Variants in CNTN5 observed in about 807,000 individuals in gnomAD.
CNTN5 encodes contactin 5.
A neutral mutation model predicts 129.1 loss-of-function variants in CNTN5; 77 were observed. The observed-to-expected ratio is 0.60, with a 90% CI of 0.50 to 0.72. The LOEUF is 0.72. CNTN5 is among the 30% of genes least tolerant of loss of function. The probability of loss-of-function intolerance (pLI) is 0.00; values close to 1 mark genes in which losing one functional copy is unlikely to be tolerated. For synonymous variants in CNTN5, 509 were observed against 465.6 expected (o/e 1.09, Z -1.20); for missense variants, 1,478 against 1,328.8 (o/e 1.11, Z -1.75).
chr11:99,484,788 G>T lies in CNTN5; in HGVS notation c.-70-71357G>T, dbSNP rs146324696. Among the ~76,000 whole-genome samples, 1,456 of 151,908 alleles carry T rather than the reference G, an allele frequency of 9.6e-3. 21 individuals carry two copies. The highest frequency in any genetic ancestry group is 0.033 in the African/African-American group (1,357 of 41,476). On this transcript the variant is annotated intron_variant, in intron 2 of 24. Transcript: ENST00000524871. ...TGAAGAAATAAGCCTGGAACAGAAAGTTAAACACCACCTGTTCTCATTCAC... is the reference window on the plus strand; with the variant it reads ...TGAAGAAATAAGCCTGGAACAGAAATTTAAACACCACCTGTTCTCATTCAC...
In CNTN5 at chr11:99,034,512, C is replaced by T. The variant is rs551963320; in HGVS notation, c.-210+13242C>T. Among the ~76,000 whole-genome samples the T allele has an allele frequency of 2.1e-3, 311 of 151,502 alleles. 1 individual carries two copies. Among genetic ancestry groups the T allele is most frequent in the East Asian group, 2.7e-3 (14 of 5,106 alleles). ...TTTAGTCTTGGGAGAGTGTATGTGT[C>T]GAGGAATTTATCCATTTCTTCTAGA... On this transcript the variant is annotated intron_variant, in intron 1 of 24. Transcript: ENST00000524871.
At chr11:99,338,919 GATATATATATAT>G (rs10534485) in intron 2 of CNTN5, among the ~76,000 whole-genome samples, 3 of 126,962 alleles carry the variant, frequency 2.4e-5, no homozygotes, top group East Asian at 4.6e-4. Context: ...TTCATTCACA[GATATATATATAT>G]ATATATATAT....
chr11:99,297,499 C>A (rs911093444), intron 1 of CNTN5, among the ~76,000 whole-genome samples: 3 of 152,102 alleles, frequency 2.0e-5, no homozygotes, highest in Non-Finnish European at 1.5e-5. Flanking sequence ...CCATTCTTGG[C>A]CAAGAGGGAC....
chr11:100,351,494 CACTATT>C (rs1952410836), intron 24 of CNTN5, among the ~76,000 whole-genome samples: 1 of 151,030 alleles, frequency 6.6e-6, no homozygotes, highest in African/African-American at 2.4e-5. Context: ...CCTAAGACCA[CACTATT>C]ACTAAGTTTC....
At chr11:100,208,480 C>A (rs546718057) in intron 15 of CNTN5, among the ~76,000 whole-genome samples, 1 of 152,246 alleles carries the variant, frequency 6.6e-6, no homozygotes, top group South Asian at 2.1e-4. Context: ...GTTCTAAGAC[C>A]AAGAGCAGTA....
chr11:99,921,417 A>G (rs1337251752), intron 7 of CNTN5, among the ~76,000 whole-genome samples: 1 of 152,186 alleles, frequency 6.6e-6, no homozygotes, highest in Admixed American at 6.5e-5. Flanking sequence ...TCCCAGGTAT[A>G]TGAATGGCTC....
chr11:100,153,843 C>A lies in CNTN5; in HGVS notation c.1581-37283C>A, dbSNP rs192938433. Among the ~76,000 whole-genome samples the A allele has an allele frequency of 1.8e-4, 28 of 151,834 alleles. No individual in the cohort carries two copies. In the East Asian group the frequency reaches 2.9e-3, roughly 16 times the overall value. ...TTTTGTTTATATATGGAATAGATTA[C>A]CAGGCAGTAAAGTATTATTTCTAGT... On this transcript the variant is annotated intron_variant, in intron 13 of 24. Coordinates refer to ENST00000524871, the MANE Select transcript of CNTN5 (RefSeq NM_014361.4).
intron 1 of CNTN5, among the ~76,000 whole-genome samples, chr11:99,294,690 G>A (rs765272570): frequency 2.0e-4 from 30 of 152,098 alleles, no homozygotes; most frequent in African/African-American, 6.5e-4. Flanking sequence ...GCAATGCTGC[G>A]ATTTTGGTTA....
intron 1 of CNTN5, among the ~76,000 whole-genome samples, chr11:99,036,951 A>C (rs1450641047): frequency 1.3e-5 from 2 of 152,228 alleles, no homozygotes. Flanking sequence ...GCAAGAGGTC[A>C]ATCTAAAATG....
rs149167415 is a variant in CNTN5 at position 99,701,928 on chromosome 11, C to G, written c.56-117616C>G. On this transcript the variant is annotated intron_variant, in intron 3 of 24. Transcript: ENST00000524871. ...TTTCTTCATACAGTTATGTCTGATT[C>G]TACTGTGAAAAAGCATTCCAAATTG... Among the ~76,000 whole-genome samples the G allele has an allele frequency of 1.4e-4, 21 of 150,992 alleles. No individual in the cohort carries two copies. The East Asian group carries it at 2.7e-3, about 20-fold the overall frequency.
chr11:99,520,572 T>C (rs1237580481), intron 2 of CNTN5, among the ~76,000 whole-genome samples: 1 of 152,096 alleles, frequency 6.6e-6, no homozygotes, highest in Non-Finnish European at 1.5e-5. Context: ...TATCTTGTCC[T>C]GAGACACAAT....
At chr11:99,726,715 T>C (rs958989315) in intron 3 of CNTN5, among the ~76,000 whole-genome samples, 5 of 152,170 alleles carry the variant, frequency 3.3e-5, no homozygotes, top group African/African-American at 1.2e-4. Context: ...GAGCAGCAAG[T>C]AGTGAAGTTA....
intron 13 of CNTN5, among the ~76,000 whole-genome samples, chr11:100,116,815 A>G (rs1297239391): frequency 6.6e-6 from 1 of 152,036 alleles, no homozygotes; most frequent in East Asian, 1.9e-4. Flanking sequence ...AAAAAAAGTA[A>G]AATAAAAGAT....
chr11:99,264,221 T>C (rs1369359404), intron 1 of CNTN5, among the ~76,000 whole-genome samples: 1 of 151,288 alleles, frequency 6.6e-6, no homozygotes, highest in Non-Finnish European at 1.5e-5. Context: ...TTATTTAATA[T>C]TATTTAATAA....
intron 2 of CNTN5, among the ~76,000 whole-genome samples, chr11:99,340,440 A>G (rs1040752384): frequency 6.6e-5 from 10 of 151,840 alleles, no homozygotes; most frequent in African/African-American, 1.2e-4. Context: ...ATTAGGGGGG[A>G]AAAAAAAGCC....
At chr11:99,937,741 C>T (rs1950346769) in intron 7 of CNTN5, among the ~76,000 whole-genome samples, 1 of 152,168 alleles carries the variant, frequency 6.6e-6, no homozygotes, top group Admixed American at 6.5e-5. Context: ...GCTTGACAAA[C>T]AGGCCAGGAA....
chr11:99,109,221 CAATAT>C lies in CNTN5; in HGVS notation c.-210+87958_-210+87962del, dbSNP rs1206136464. ...ATATCTAGTCATATATATATTAATCCAATATAATATATTTTATACTCCTAGAGACA... is the reference window on the plus strand; with the variant it reads ...ATATCTAGTCATATATATATTAATCCAATATATTTTATACTCCTAGAGACA... On this transcript the variant is annotated intron_variant, in intron 1 of 24. Coordinates refer to ENST00000524871, the MANE Select transcript of CNTN5 (RefSeq NM_014361.4). Among the ~76,000 whole-genome samples, 3 of 150,902 alleles carry C rather than the reference CAATAT, an allele frequency of 2.0e-5. No homozygotes were observed. In the Admixed American group the frequency reaches 2.0e-4, roughly 10 times the overall value.
chr11:99,373,885 TAC>T (rs1442932645), intron 2 of CNTN5, among the ~76,000 whole-genome samples: 1 of 152,116 alleles, frequency 6.6e-6, no homozygotes, highest in Non-Finnish European at 1.5e-5. Flanking sequence ...AATTCACAAA[TAC>T]AGTTTTATCT....
At chr11:99,923,753 G>GTCTGTCTGTCTA in intron 7 of CNTN5, among the ~76,000 whole-genome samples, 1 of 116,300 alleles carries the variant, frequency 8.6e-6, no homozygotes, top group Non-Finnish European at 1.8e-5. Context: ...TAATCTATCT[G>GTCTGTCTGTCTA]TCTGTCTATC....
Sources: gnomAD v4.1 joint callset for allele counts (sites outside exome capture counted in the v4.1 genomes callset) on GRCh38, gnomAD v4.1.1 for gene constraint, MANE v1.5 for transcripts, NCBI Gene and HGNC (gene_info 2026-07-23, HGNC 2026-07-21) for gene names.